XKR9: variants seen among roughly 807,000 people sequenced by gnomAD.
XKR9 encodes XK related 9.
XKR9 carries 32 observed loss-of-function variants against 32.0 expected under a neutral mutation model. That is an observed-to-expected ratio of 1.00 (90% CI 0.76 to 1.34). XKR9 has a LOEUF of 1.34. Ranked by LOEUF, XKR9 falls within the 40% of genes most tolerant of loss-of-function variation. The pLI, the probability that XKR9 is intolerant of heterozygous loss-of-function variation, is 0.00. For synonymous variants in XKR9, 168 were observed against 143.4 expected, an observed-to-expected ratio of 1.17 and a Z score of -1.22; for missense variants, 546 against 429.7, an observed-to-expected ratio of 1.27 and a Z score of -2.39.
chr8:70,862,033 A>T, the XKR9 span, among the ~76,000 whole-genome samples: 2 of 152,126 alleles, frequency 1.3e-5, no homozygotes, highest in African/African-American at 4.8e-5. Flanking sequence ...GCCTTTGTCC[A>T]TATGAACAAG....
chr8:70,729,608 A>G (rs530266789), intron 4 of XKR9, among the ~76,000 whole-genome samples: 1 of 152,312 alleles, frequency 6.6e-6, no homozygotes, highest in South Asian at 2.1e-4. Context: ...TAAGGCAACA[A>G]TTGCCTATGG....
chr8:70,725,308 T>C (rs1253154202), intron 4 of XKR9, among the ~76,000 whole-genome samples: 3 of 152,106 alleles, frequency 2.0e-5, no homozygotes, highest in African/African-American at 7.2e-5. Flanking sequence ...TGTTGCTCTT[T>C]TGGGTGGATG....
chr8:70,740,382 A>T (rs1418393231), downstream of XKR9, among the ~76,000 whole-genome samples: 12 of 152,054 alleles, frequency 7.9e-5, no homozygotes, highest in Non-Finnish European at 1.5e-4. Flanking sequence ...AATTTTTTTC[A>T]AAGTTTTTAA....
intron 2 of XKR9, among the ~76,000 whole-genome samples, chr8:70,778,299 G>A (rs77887223): frequency 0.32 from 48,433 of 151,910 alleles, 9,089 homozygotes; most frequent in Non-Finnish European, 0.43. Flanking sequence ...CTGTGCCATC[G>A]GTCTATATAT....
intron 2 of XKR9, among the ~76,000 whole-genome samples, chr8:70,785,459 T>C (rs1445907258): frequency 6.6e-6 from 1 of 151,704 alleles, no homozygotes; most frequent in African/African-American, 2.4e-5. Context: ...TCATTTTCAT[T>C]GATTAACAAT....
chr8:70,677,363 G>A (rs879442536), intron 2 of XKR9, among the ~76,000 whole-genome samples: 3 of 152,010 alleles, frequency 2.0e-5, no homozygotes, highest in Non-Finnish European at 4.4e-5. Flanking sequence ...GCCCAGGCTG[G>A]TCTTGAACTC....
the XKR9 span, among the ~76,000 whole-genome samples, chr8:70,821,689 G>C: frequency 1.3e-5 from 2 of 152,184 alleles, no homozygotes; most frequent in Admixed American, 1.3e-4. Context: ...GACAAGGCTT[G>C]GGGCTTGCAC....
chr8:70,828,475 C>T, the XKR9 span, among the ~76,000 whole-genome samples: 1 of 152,030 alleles, frequency 6.6e-6, no homozygotes, highest in Non-Finnish European at 1.5e-5. Context: ...TGGCTCACGC[C>T]AGCACTTTGG....
chr8:71,045,183 A>G, the XKR9 span, among the ~76,000 whole-genome samples: 2 of 152,226 alleles, frequency 1.3e-5, no homozygotes, highest in African/African-American at 4.8e-5. Context: ...TAGGTTATAA[A>G]TCTTTAGCTT....
chr8:70,840,952 A>C, the XKR9 span, among the ~76,000 whole-genome samples: 1 of 152,172 alleles, frequency 6.6e-6, no homozygotes, highest in African/African-American at 2.4e-5. Flanking sequence ...TGAAAGTAAA[A>C]ATTTTGAGTC....
chr8:70,771,661 G>A (rs1219536392), intron 2 of XKR9, among the ~76,000 whole-genome samples: 1 of 152,174 alleles, frequency 6.6e-6, no homozygotes, highest in Non-Finnish European at 1.5e-5. Flanking sequence ...TGAAGATTGG[G>A]TTTGTCTAGA....
chr8:70,976,900 G>A, the XKR9 span, among the ~76,000 whole-genome samples: 3 of 152,164 alleles, frequency 2.0e-5, no homozygotes, highest in African/African-American at 4.8e-5. Flanking sequence ...TTCAGAGCCT[G>A]TTATTGGTCT....
At chr8:71,008,694 T>C in the XKR9 span, among the ~76,000 whole-genome samples, 2 of 152,200 alleles carry the variant, frequency 1.3e-5, no homozygotes, top group Non-Finnish European at 2.9e-5. Context: ...TGGTGCAATC[T>C]TGGCTCACTG....
chr8:70,983,193 T>C, the XKR9 span, among the ~76,000 whole-genome samples: 1 of 152,210 alleles, frequency 6.6e-6, no homozygotes, highest in South Asian at 2.1e-4. Context: ...CTTCAAGACT[T>C]GGTAAATAGC....
the XKR9 span, among the ~76,000 whole-genome samples, chr8:71,020,517 TTA>T: frequency 6.6e-6 from 1 of 152,228 alleles, no homozygotes; most frequent in Non-Finnish European, 1.5e-5. Context: ...TCATCATAGT[TTA>T]TTGTATAGGT....
chr8:70,835,561 C>CA, the XKR9 span, among the ~76,000 whole-genome samples: 1 of 151,630 alleles, frequency 6.6e-6, no homozygotes, highest in Non-Finnish European at 1.5e-5. Flanking sequence ...TTGACCAAGG[C>CA]AAAAAAATAG....
chr8:70,690,066 A>G (rs572643652), intron 3 of XKR9, among the ~76,000 whole-genome samples: 7 of 152,322 alleles, frequency 4.6e-5, no homozygotes, highest in African/African-American at 1.4e-4. Flanking sequence ...CCAGATAGAT[A>G]AACAAACACT....
At chr8:71,023,119 T>C in the XKR9 span, among the ~76,000 whole-genome samples, 4 of 152,236 alleles carry the variant, frequency 2.6e-5, no homozygotes, top group African/African-American at 9.6e-5. Context: ...TTATTTTTTA[T>C]TGGAATCTGT....
rs189888197 is a variant in XKR9 at position 70,773,766 on chromosome 8, A to G, written n.353-15573A>G. On this transcript the variant is annotated intron_variant and non_coding_transcript_variant, in intron 2 of 3. Transcript: ENST00000520273. ...GTGTGTCATTGTAATATTTGGAATC[A>G]AAGTCCAGGGTGAATTAGGGCCATT... Among the ~76,000 whole-genome samples the G allele has an allele frequency of 4.8e-4, 73 of 152,286 alleles. 1 individual carries two copies. Among genetic ancestry groups the G allele is most frequent in the Admixed American group, 3.1e-3 (47 of 15,274 alleles).
Sources: allele counts gnomAD v4.1 joint callset (sites outside exome capture counted in the v4.1 genomes callset), GRCh38; gene constraint gnomAD v4.1.1; transcripts MANE v1.5; gene names NCBI Gene and HGNC (gene_info 2026-07-23, HGNC 2026-07-21).